Variants in CNTN5 observed in about 807,000 individuals in gnomAD.
CNTN5 encodes the protein contactin 5, also known as contactin-5.
A neutral mutation model predicts 129.1 loss-of-function variants in CNTN5; 77 were observed. The ratio of observed to expected loss-of-function variants is 0.60; its 90% CI spans 0.50 to 0.72. The LOEUF is 0.72. CNTN5 is among the 30% of genes least tolerant of loss of function. The pLI is 0.00. For synonymous variants in CNTN5, 509 were observed against 465.6 expected (o/e 1.09, Z -1.20); for missense variants, 1,478 against 1,328.8 (o/e 1.11, Z -1.75).
intron 9 of CNTN5, among the ~76,000 whole-genome samples, chr11:100,013,177 G>T (rs1398555492): frequency 6.6e-6 from 1 of 152,072 alleles, no homozygotes; most frequent in African/African-American, 2.4e-5. Flanking sequence ...AGTCAATGGA[G>T]ACTCAGAAGT....
intron 3 of CNTN5, among the ~76,000 whole-genome samples, chr11:99,727,174 C>T (rs1478441269): frequency 6.7e-6 from 1 of 148,380 alleles, no homozygotes; most frequent in Non-Finnish European, 1.5e-5. Flanking sequence ...GGCGCGGTGG[C>T]GGGCGCCTGT....
Position 99,502,290 on chromosome 11 carries a change from A to T in CNTN5, c.-70-53855A>T, listed in dbSNP as rs1419314409. On this transcript the variant is annotated intron_variant, in intron 2 of 24. Transcript: ENST00000524871. The stretch of plus-strand genomic sequence containing the variant: ...TTTTTCAAATATTTCAAATATTGCT[A>T]TTTTTTTCTTGTGTCTTTAATATGG... Among the ~76,000 whole-genome samples the T allele has an allele frequency of 3.3e-5, 5 of 151,812 alleles. No individual in the cohort carries two copies. In the East Asian group the frequency reaches 9.7e-4, roughly 29 times the overall value.
chr11:99,226,246 G>T (rs1860679513), intron 1 of CNTN5, among the ~76,000 whole-genome samples: 1 of 152,132 alleles, frequency 6.6e-6, no homozygotes, highest in South Asian at 2.1e-4. Context: ...ATGTAAGAGG[G>T]TGCTAGCAAA....
chr11:99,172,629 G>A (rs1035203832), intron 1 of CNTN5, among the ~76,000 whole-genome samples: 2 of 152,182 alleles, frequency 1.3e-5, no homozygotes, highest in African/African-American at 4.8e-5. Flanking sequence ...GTTTTGTGAA[G>A]TAACCAAGTA....
intron 13 of CNTN5, among the ~76,000 whole-genome samples, chr11:100,170,744 C>A (rs550294990): frequency 7.2e-5 from 11 of 151,908 alleles, no homozygotes; most frequent in African/African-American, 2.4e-4. Context: ...GGCATCTTTT[C>A]TTTGCTCTGA....
In CNTN5 at chr11:99,391,245, C is replaced by T. The variant is rs80254769; in HGVS notation, c.-71+65761C>T. ...CAAATCTGGTTCTTGAACTGTTAATCGTAAAAATAGCATGACTATGTGAAA... is the reference window on the plus strand; with the variant it reads ...CAAATCTGGTTCTTGAACTGTTAATTGTAAAAATAGCATGACTATGTGAAA... On this transcript the variant is annotated intron_variant, in intron 2 of 24. Coordinates refer to ENST00000524871, the MANE Select transcript of CNTN5 (RefSeq NM_014361.4). Among the ~76,000 whole-genome samples, 519 of 152,134 alleles carry T rather than the reference C, an allele frequency of 3.4e-3. 3 individuals are homozygous for T. Among genetic ancestry groups the T allele is most frequent in the African/African-American group, 0.011 (475 of 41,544 alleles).
intron 1 of CNTN5, among the ~76,000 whole-genome samples, chr11:99,261,581 T>A (rs2135824800): frequency 6.6e-6 from 1 of 152,188 alleles, no homozygotes; most frequent in South Asian, 2.1e-4. Context: ...AAATGCTGAA[T>A]CCATTTCATG....
chr11:100,016,478 C>T (rs1057104453), intron 9 of CNTN5, among the ~76,000 whole-genome samples: 1 of 151,924 alleles, frequency 6.6e-6, no homozygotes, highest in African/African-American at 2.4e-5. Flanking sequence ...TCTGAATTGT[C>T]TTATAGCTCA....
At chr11:100,090,768 T>C (rs1944752266) in intron 13 of CNTN5, among the ~76,000 whole-genome samples, 1 of 151,788 alleles carries the variant, frequency 6.6e-6, no homozygotes, top group Non-Finnish European at 1.5e-5. Flanking sequence ...TTGATTTATA[T>C]TTTGTGCACT....
At chr11:99,889,213 T>C (rs1044986716) in intron 6 of CNTN5, among the ~76,000 whole-genome samples, 1 of 152,092 alleles carries the variant, frequency 6.6e-6, no homozygotes, top group African/African-American at 2.4e-5. Flanking sequence ...CCTGCATATA[T>C]TACATTTCCT....
chr11:99,887,549 C>A (rs535437605), intron 6 of CNTN5, among the ~76,000 whole-genome samples: 1 of 152,300 alleles, frequency 6.6e-6, no homozygotes, highest in East Asian at 1.9e-4. Context: ...CTCACACAAT[C>A]ACAAGGTGAA....
intron 13 of CNTN5, among the ~76,000 whole-genome samples, chr11:100,175,947 A>G (rs1042637098): frequency 1.3e-5 from 2 of 152,230 alleles, no homozygotes; most frequent in Middle Eastern, 3.4e-3. Context: ...ATGTACTTAT[A>G]TCCTATAAAA....
intron 6 of CNTN5, among the ~76,000 whole-genome samples, chr11:99,892,057 T>G (rs1949074752): frequency 6.6e-6 from 1 of 152,246 alleles, no homozygotes; most frequent in Non-Finnish European, 1.5e-5. Flanking sequence ...ATAGTGGTTT[T>G]GATTTGCATT....
At chr11:99,316,869 C>T (rs1232358092) in intron 1 of CNTN5, among the ~76,000 whole-genome samples, 4 of 152,142 alleles carry the variant, frequency 2.6e-5, no homozygotes, top group African/African-American at 9.7e-5. Flanking sequence ...ATCGCGGGCT[C>T]TGGCTGCCAG....
chr11:100,334,569 A>C (rs1395014239), intron 21 of CNTN5, among the ~76,000 whole-genome samples: 1 of 152,204 alleles, frequency 6.6e-6, no homozygotes, highest in Non-Finnish European at 1.5e-5. Context: ...AAAATGTGGT[A>C]TATACACCAT....
At chr11:99,132,381 A>G (rs76544624) in intron 1 of CNTN5, among the ~76,000 whole-genome samples, 2 of 152,326 alleles carry the variant, frequency 1.3e-5, no homozygotes, top group African/African-American at 4.8e-5. Flanking sequence ...GTTATTCAAC[A>G]TAGTATTGGA....
intron 2 of CNTN5, among the ~76,000 whole-genome samples, chr11:99,382,890 T>C (rs1320746910): frequency 8.8e-6 from 1 of 114,176 alleles, no homozygotes; most frequent in African/African-American, 3.4e-5. Flanking sequence ...AGAGTCTCGC[T>C]CTGTCTCCCA....
rs149944170 is a variant in CNTN5 at position 99,922,977 on chromosome 11, A to G, written c.673+6828A>G. 4.3e-3 allele frequency among the ~76,000 whole-genome samples: 655 copies of G among 152,286 alleles called. 1 individual carries two copies. The highest frequency in any genetic ancestry group is 0.015 in the African/African-American group (610 of 41,574). ...CTTAATATCACATTCATGTATTGCT[A>G]TTTCAAATTGTAGCAGCTACTATGA... On this transcript the variant is annotated intron_variant, in intron 7 of 24. Transcript: ENST00000524871.
intron 1 of CNTN5, among the ~76,000 whole-genome samples, chr11:99,307,423 G>T (rs1238230255): frequency 6.6e-6 from 1 of 152,058 alleles, no homozygotes; most frequent in Non-Finnish European, 1.5e-5. Flanking sequence ...AGTTCACCTG[G>T]TGAACAGTCT....
Sources: gnomAD v4.1 joint callset for allele counts (sites outside exome capture counted in the v4.1 genomes callset) on GRCh38, gnomAD v4.1.1 for gene constraint, MANE v1.5 for transcripts, NCBI Gene and HGNC (gene_info 2026-07-23, HGNC 2026-07-21) for gene names.